ZZEF1: variants seen among roughly 807,000 people sequenced by gnomAD.
The protein encoded by ZZEF1 is zinc finger ZZ-type and EF-hand domain containing 1, also known as zinc finger ZZ-type and EF-hand domain-containing protein 1.
In ZZEF1, 157 loss-of-function variants were observed where a neutral mutation model predicts 342.8. That is an observed-to-expected ratio of 0.46 (90% CI 0.40 to 0.52). ZZEF1 has a LOEUF of 0.52. ZZEF1 is among the 20% of genes least tolerant of loss of function. The pLI, the probability that ZZEF1 is intolerant of heterozygous loss-of-function variation, is 0.00. For synonymous variants in ZZEF1, 1,505 were observed against 1,429.1 expected (o/e 1.05, Z -1.20); for missense variants, 3,480 against 3,725.6 (o/e 0.93, Z 1.72).
At chr17:4,071,927 A>C (rs2145277058) in intron 25 of ZZEF1, among the ~76,000 whole-genome samples, 1 of 152,260 alleles carries the variant, frequency 6.6e-6, no homozygotes, top group East Asian at 1.9e-4. Context: ...AAGGGAAGAA[A>C]GCCTGAATAA....
At chr17:4,126,305 G>A (rs1391756152) in intron 1 of ZZEF1, among the ~76,000 whole-genome samples, 2 of 151,170 alleles carry the variant, frequency 1.3e-5, no homozygotes, top group Non-Finnish European at 2.9e-5. Flanking sequence ...TCAGAGCAGC[G>A]TCTGGACAAC....
intron 6 of ZZEF1, 22 bp downstream of exon 6, chr17:4,109,631 G>A: frequency 1.9e-6 from 3 of 1,612,534 alleles, no homozygotes; most frequent in African/African-American, 2.7e-5. Flanking sequence ...GAGGGGGCTG[G>A]AACATAGAGA....
chr17:4,091,911 T>C (rs1234363656), intron 11 of ZZEF1, among the ~76,000 whole-genome samples: 1 of 149,732 alleles, frequency 6.7e-6, no homozygotes, highest in Non-Finnish European at 1.5e-5. Flanking sequence ...ACTCTGTCTC[T>C]ACTAAAAATA....
intron 2 of ZZEF1, among the ~76,000 whole-genome samples, chr17:4,121,040 T>C (rs937837308): frequency 6.6e-6 from 1 of 152,164 alleles, no homozygotes; most frequent in African/African-American, 2.4e-5. Context: ...CCAAGACTGA[T>C]GAATTGGGTG....
chr17:4,023,018 A>C (rs1381779533), intron 43 of ZZEF1, among the ~76,000 whole-genome samples, 190 bp from the exon 44 acceptor site: 1 of 152,166 alleles, frequency 6.6e-6, no homozygotes, highest in East Asian at 1.9e-4. Flanking sequence ...CTTTAGGCTA[A>C]AATCCAAGCC....
rs111871426 is a variant in ZZEF1, at chr17:4,014,306, G to T, written c.8314+41C>A. Reference sequence around the variant, plus strand: ...CTTCTCAATATTAAGTTTAAACACTGCCTGTGAAGAACCTATCTAATCGAG... The same window carrying T: ...CTTCTCAATATTAAGTTTAAACACTTCCTGTGAAGAACCTATCTAATCGAG... On this transcript the variant is annotated intron_variant, in intron 50 of 54. Coordinates refer to ENST00000381638, the MANE Select transcript of ZZEF1 (RefSeq NM_015113.4). This position sits in a 1 kb window ranked among gnomAD's most constrained non-coding sequence, Gnocchi z 4.4. 17,177 of 1,612,722 alleles carry T rather than the reference G, an allele frequency of 0.011. 588 individuals are homozygous for T. The African/African-American group carries it at 0.12, about 11-fold the overall frequency.
At chr17:4,055,840 A>G (rs775701483) in intron 33 of ZZEF1, among the ~76,000 whole-genome samples, 4 of 152,208 alleles carry the variant, frequency 2.6e-5, no homozygotes, top group African/African-American at 4.8e-5. Flanking sequence ...ATTTCGTAGA[A>G]GACAATTTCT....
In ZZEF1 at chr17:4,009,646, A is replaced by C; in HGVS notation, c.8691T>G (p.Arg2897=). The C allele has an allele frequency of 6.2e-7, 1 of 1,614,042 alleles. No individual in the cohort carries two copies. The highest frequency in any genetic ancestry group is 8.5e-7 in the Non-Finnish European group (1 of 1,180,008). The part of the protein sequence containing the change: ...TQPGILLPLH[R]ALTELFFVTE... ...TGACGAAGAAGAGCTCAGTGAGGGCACGATGCAGGGGAAGGAGGATGCCGG... is the reference window on the plus strand; with the variant it reads ...TGACGAAGAAGAGCTCAGTGAGGGCCCGATGCAGGGGAAGGAGGATGCCGG... The change falls in exon 53 of 55, where the codon CGT becomes CGG. Residue 2897 remains arginine (R), a synonymous_variant. Coordinates refer to ENST00000381638, the MANE Select transcript of ZZEF1 (RefSeq NM_015113.4).
intron 35 of ZZEF1, 93 bp from the exon 36 acceptor site, chr17:4,051,136 G>C (rs760871320): frequency 1.3e-6 from 2 of 1,553,568 alleles, no homozygotes; most frequent in Admixed American, 3.5e-5. Flanking sequence ...GCATGTGGTC[G>C]CAACTGGGCA....
intron 2 of ZZEF1, among the ~76,000 whole-genome samples, chr17:4,123,490 A>G (rs1405359226): frequency 6.6e-6 from 1 of 151,922 alleles, no homozygotes; most frequent in African/African-American, 2.4e-5. Flanking sequence ...CAGAGCAGAA[A>G]TAAGACAGAA....
intron 6 of ZZEF1, among the ~76,000 whole-genome samples, chr17:4,107,781 ATGCCTG>A (rs1307719612): frequency 7.2e-5 from 11 of 152,238 alleles, no homozygotes; most frequent in Non-Finnish European, 1.5e-4. Flanking sequence ...ATGGTGGCTC[ATGCCTG>A]TAATCTCTGC....
At chr17:4,061,752 T>C (rs1031631057) in intron 30 of ZZEF1, among the ~76,000 whole-genome samples, 1 of 152,158 alleles carries the variant, frequency 6.6e-6, no homozygotes, top group African/African-American at 2.4e-5. Flanking sequence ...TATCCAACCG[T>C]AAGTCCTGAC....
chr17:4,079,850 A>G (rs1250264534), intron 18 of ZZEF1, among the ~76,000 whole-genome samples: 3 of 152,236 alleles, frequency 2.0e-5, no homozygotes, highest in Non-Finnish European at 4.4e-5. Context: ...CAAAAATGTA[A>G]GAGATTTAAA....
intron 45 of ZZEF1, among the ~76,000 whole-genome samples, 172 bp downstream of exon 45, chr17:4,020,957 T>C (rs2056253468): frequency 6.6e-6 from 1 of 152,268 alleles, no homozygotes; most frequent in Admixed American, 6.5e-5. Context: ...TTGTGGGGCT[T>C]TTCTGTTCTT....
chr17:4,114,197 T>C, intron 4 of ZZEF1, 102 bp downstream of exon 4: 1 of 925,660 alleles, frequency 1.1e-6, no homozygotes, highest in Non-Finnish European at 1.5e-6. Context: ...TTTACTTGAT[T>C]CTTAAAGCAT....
intron 26 of ZZEF1, among the ~76,000 whole-genome samples, chr17:4,068,114 A>G (rs1448825327): frequency 2.0e-5 from 3 of 152,164 alleles, no homozygotes; most frequent in East Asian, 3.8e-4. Context: ...GTATGGATAC[A>G]CATATATATA....
Position 4,016,780 on chromosome 17 carries a change from G to C in ZZEF1, c.8002-314C>G. 1 of 283,894 alleles carries C rather than the reference G, an allele frequency of 3.5e-6. No homozygotes were observed. Among genetic ancestry groups the C allele is most frequent in the Non-Finnish European group, 6.6e-6 (1 of 151,074 alleles). 17.6% of individuals were successfully genotyped at this position (283,894 alleles called of 1,614,324 possible). A position where few individuals can be genotyped will look rare whatever the true frequency, so the allele number is the denominator to read the frequency against. On this transcript the variant is annotated intron_variant, in intron 48 of 54. Transcript: ENST00000381638. This position sits in a 1 kb window ranked among gnomAD's most constrained non-coding sequence, Gnocchi z 4.4. ...AGCCAAGCAGGTGGATTGGCCTATG[G>C]ATAAATAATGACCACACAATGTAAT...
chr17:4,019,815 C>T, intron 45 of ZZEF1, 46 bp from the exon 46 acceptor site: 8 of 1,447,352 alleles, frequency 5.5e-6, no homozygotes, highest in Non-Finnish European at 7.6e-6. Context: ...AACAGTGCTT[C>T]AATACGGTAT....
intron 18 of ZZEF1, among the ~76,000 whole-genome samples, chr17:4,081,120 C>T (rs1272322445): frequency 1.3e-5 from 2 of 151,932 alleles, no homozygotes; most frequent in Non-Finnish European, 2.9e-5. Context: ...TGCCTGTGTC[C>T]CAGCTACTTG....
Sources: allele counts gnomAD v4.1 joint callset (sites outside exome capture counted in the v4.1 genomes callset), GRCh38; gene constraint gnomAD v4.1.1; non-coding constraint Gnocchi (gnomAD v3.1); transcripts MANE v1.5; gene names NCBI Gene and HGNC (gene_info 2026-07-23, HGNC 2026-07-21).